CFAP74: variants seen among roughly 807,000 people sequenced by gnomAD.
CFAP74 encodes cilia- and flagella-associated protein 74.
In CFAP74, 124 loss-of-function variants were observed where a neutral mutation model predicts 188.9. The ratio of observed to expected loss-of-function variants is 0.66; its 90% CI spans 0.57 to 0.76. The LOEUF (loss-of-function observed/expected upper bound fraction) is 0.76. CFAP74 is among the 30% of genes least tolerant of loss of function. CFAP74 has a pLI of 0.00. For missense variants in CFAP74, 2,198 were observed against 2,165.2 expected, an observed-to-expected ratio of 1.02 and a Z score of -0.30; for synonymous variants, 956 against 916.7, an observed-to-expected ratio of 1.04 and a Z score of -0.77.
At chr1:1,956,806 A>G in intron 16 of CFAP74, 22 bp from the exon 17 acceptor site, 1 of 1,605,962 alleles carries the variant, frequency 6.2e-7, no homozygotes. Flanking sequence ...CATGGAGTGA[A>G]CTCAGGGCCA....
rs76311219 is a variant in CFAP74 at position 1,930,854 on chromosome 1, C to T, written c.3012-518G>A. ...CTCTAAATGGAAGCACAGGTGTCTACGAGGCCTATTATGAGCAAGTTGATT... is the reference window on the plus strand; with the variant it reads ...CTCTAAATGGAAGCACAGGTGTCTATGAGGCCTATTATGAGCAAGTTGATT... On this transcript the variant is annotated intron_variant, in intron 25 of 38. Coordinates refer to ENST00000682832, the MANE Select transcript of CFAP74 (RefSeq NM_001304360.2). Among the ~76,000 whole-genome samples, 280 of 152,268 alleles carry T rather than the reference C, an allele frequency of 1.8e-3. 1 individual carries two copies. Among genetic ancestry groups the T allele is most frequent in the African/African-American group, 6.4e-3 (267 of 41,554 alleles).
chr1:1,979,333 CAT>C (rs1347272374), intron 6 of CFAP74, among the ~76,000 whole-genome samples: 3 of 76,496 alleles, frequency 3.9e-5, no homozygotes, highest in African/African-American at 8.3e-5. Flanking sequence ...GGGAAGGCAT[CAT>C]GTGACAAGGC....
At chr1:1,971,866 C>G in intron 9 of CFAP74, 114 bp downstream of exon 9, 1 of 783,366 alleles carries the variant, frequency 1.3e-6, no homozygotes, top group Non-Finnish European at 2.1e-6. Context: ...ACCAAGTGCG[C>G]GGGTCAGCCC....
At chr1:1,991,092 A>G (rs1657540001) in intron 1 of CFAP74, 117 bp from the exon 2 acceptor site, 1 of 665,322 alleles carries the variant, frequency 1.5e-6, no homozygotes, top group Non-Finnish European at 2.6e-6. Flanking sequence ...AGGAAAAAAT[A>G]TTTGCAGCAC....
chr1:1,927,495 C>A, intron 28 of CFAP74, 112 bp downstream of exon 28: 1 of 1,053,930 alleles, frequency 9.5e-7, no homozygotes. Context: ...GTCCTTCCAG[C>A]CACATGGGTC....
At chr1:1,988,174 T>A (rs1400926073) in intron 4 of CFAP74, 1 of 520,104 alleles carries the variant, frequency 1.9e-6, no homozygotes, top group Non-Finnish European at 3.9e-6. Flanking sequence ...TGTGATTTGC[T>A]TTAACATAAT....
chr1:1,961,460 C>CAGAGAATCCAGGAGGT (rs1655085499), intron 14 of CFAP74, among the ~76,000 whole-genome samples: 1 of 152,178 alleles, frequency 6.6e-6, no homozygotes, highest in Admixed American at 6.5e-5. Flanking sequence ...CAACAAGAGG[C>CAGAGAATCCAGGAGGT]AGAGGGCAGG....
intron 2 of CFAP74, among the ~76,000 whole-genome samples, chr1:1,989,937 G>A (rs1055921213): frequency 1.3e-5 from 2 of 152,112 alleles, no homozygotes; most frequent in African/African-American, 4.8e-5. Flanking sequence ...GATCACACTC[G>A]CACGCCATTT....
At position 1,942,119 on chromosome 1, in the gene CFAP74, T is replaced by C; in HGVS notation, c.2524A>G (p.Lys842Glu). ...AALRLKFEVC[K>E]ELRAHLELLP... Reference sequence around the variant, plus strand: ...AGCTCCAGGTGGGCCCTCAGCTCCTTGCACACCTCGAACTTCAGGCGCAGG... The same window carrying C: ...AGCTCCAGGTGGGCCCTCAGCTCCTCGCACACCTCGAACTTCAGGCGCAGG... The change falls in exon 22 of 39, where the codon AAG (lysine) becomes GAG (glutamate). Residue 842 changes from lysine to glutamate, a missense_variant. Physicochemically the swap from Lys to Glu is moderately conservative, Grantham distance 56. Coordinates refer to ENST00000682832, the MANE Select transcript of CFAP74 (RefSeq NM_001304360.2). This position sits in a 1 kb window ranked among gnomAD's most constrained non-coding sequence, Gnocchi z 4.3. 6.5e-7 allele frequency: 1 copy of C among 1,529,838 alleles called. No homozygotes were observed. The highest frequency in any genetic ancestry group is 8.7e-7 in the Non-Finnish European group (1 of 1,144,440). 94.8% of individuals were successfully genotyped at this position (1,529,838 alleles called of 1,614,324 possible).
chr1:1,997,738 G>C (rs1657991501), intron 1 of CFAP74, among the ~76,000 whole-genome samples: 1 of 152,074 alleles, frequency 6.6e-6, no homozygotes, highest in African/African-American at 2.4e-5. Flanking sequence ...AACCCCCTCG[G>C]GCAGCATGAA....
At chr1:1,926,569 C>T (rs1037142003) in intron 30 of CFAP74, 57 bp from the exon 31 acceptor site, 17 of 1,547,220 alleles carry the variant, frequency 1.1e-5, no homozygotes, top group Non-Finnish European at 1.5e-5. Context: ...AGCGTCTCTG[C>T]CAGGGGTGGG....
intron 11 of CFAP74, among the ~76,000 whole-genome samples, chr1:1,967,462 T>G (rs548864249): frequency 3.9e-5 from 6 of 151,984 alleles, no homozygotes; most frequent in African/African-American, 1.2e-4. Context: ...AGGGGAGGCT[T>G]CTCTGGAGCA....
chr1:1,988,282 G>C, intron 4 of CFAP74: 1 of 643,776 alleles, frequency 1.6e-6, no homozygotes, highest in Non-Finnish European at 2.8e-6. Flanking sequence ...GGTGGCGCTG[G>C]GGGCAGCGGG....
chr1:1,928,856 C>T lies in CFAP74; in HGVS notation c.3315G>A (p.Arg1105=). The T allele has an allele frequency of 6.5e-7, 1 of 1,535,652 alleles. No homozygotes were observed. The highest frequency in any genetic ancestry group is 1.2e-5 in the South Asian group (1 of 84,064). Residue 1105 remains arginine (R), a synonymous_variant, in exon 27 of 39, where the codon CGG becomes CGA. Coordinates refer to ENST00000682832, the MANE Select transcript of CFAP74 (RefSeq NM_001304360.2). ...GGATCAGCTTCTCGGGCAGCACTGG[C>T]CGGAAGGCCACCTGGACCAGGCACC... ...GKRCLVQVAF[R]PVLPEKLIRQ...
chr1:1,958,044 CTG>C (rs1654784634), intron 16 of CFAP74, among the ~76,000 whole-genome samples: 1 of 152,250 alleles, frequency 6.6e-6, no homozygotes. Context: ...TATGAAGAAA[CTG>C]AGAGGAAAAC....
intron 25 of CFAP74, among the ~76,000 whole-genome samples, chr1:1,936,730 C>A (rs941844186): frequency 4.0e-5 from 6 of 151,474 alleles, no homozygotes; most frequent in African/African-American, 1.5e-4. Flanking sequence ...ATAGTGAGAC[C>A]CCATCTCTAC....
rs1655599406 is a variant in CFAP74 at position 1,968,017 on chromosome 1, TG to T, written c.1245+617del. 7.6e-5 allele frequency among the ~76,000 whole-genome samples: 7 copies of T among 92,000 alleles called. No homozygotes were observed. The highest frequency in any genetic ancestry group is 2.5e-4 in the African/African-American group (7 of 27,486). 60.4% of individuals were successfully genotyped at this position (92,000 alleles called of 152,430 possible). A position where few individuals can be genotyped will look rare whatever the true frequency, so the allele number is the denominator to read the frequency against. The stretch of plus-strand genomic sequence containing the variant: ...GTGAATGAGTGAGCGAATGAGTGAA[TG>T]AATGAGTGAATGAGTGAATGAATAA... On this transcript the variant is annotated intron_variant, in intron 11 of 38. Transcript: ENST00000682832. This position sits in a 1 kb window ranked among gnomAD's most constrained non-coding sequence, Gnocchi z 4.3.
chr1:1,955,601 G>A (rs895790978), intron 18 of CFAP74, 90 bp downstream of exon 18: 1 of 1,611,996 alleles, frequency 6.2e-7, no homozygotes, highest in Non-Finnish European at 8.5e-7. Flanking sequence ...CTACTTTCCA[G>A]CCCTCCCCTG....
At position 1,959,192 on chromosome 1, in the gene CFAP74, T is replaced by G. The variant is rs1654884228; in HGVS notation, c.1779A>C (p.Glu593Asp). ...TCTGAGCCAAAAATGAGATATTTCCTTCTAGATCCTTGTTTATCTAAAACA... is the reference window on the plus strand; with the variant it reads ...TCTGAGCCAAAAATGAGATATTTCCGTCTAGATCCTTGTTTATCTAAAACA... ...TFKPMINKDL[E>D]GNISFLAQTG... The change falls in exon 16 of 39, where the codon GAA becomes GAC. Residue 593 changes from glutamate to aspartate, a missense_variant. Glu to Asp is a conservative substitution (Grantham distance 45). Coordinates refer to ENST00000682832, the MANE Select transcript of CFAP74 (RefSeq NM_001304360.2). The G allele has an allele frequency of 5.0e-6, 8 of 1,608,786 alleles. No homozygotes were observed. The East Asian group carries it at 1.8e-4, about 36-fold the overall frequency.
Sources: gnomAD v4.1 joint callset for allele counts (sites outside exome capture counted in the v4.1 genomes callset) on GRCh38, gnomAD v4.1.1 for gene constraint, Gnocchi (gnomAD v3.1) non-coding constraint, MANE v1.5 for transcripts, NCBI Gene and HGNC (gene_info 2026-07-23, HGNC 2026-07-21) for gene names.